FRMPD2: variants seen among roughly 807,000 people sequenced by gnomAD.
FRMPD2 encodes the protein FERM and PDZ domain containing 2, also known as FERM and PDZ domain-containing protein 2.
Under a neutral mutation model 140.1 loss-of-function variants are expected in FRMPD2, and 96 were observed. The ratio of observed to expected loss-of-function variants is 0.69; its 90% CI spans 0.58 to 0.81. The LOEUF is 0.81. Ranked by LOEUF, FRMPD2 falls within the 40% of genes least tolerant of loss-of-function variation. The pLI is 0.00. For missense variants in FRMPD2, 1,240 were observed against 1,447.4 expected, an observed-to-expected ratio of 0.86 and a Z score of 2.32; for synonymous variants, 449 against 547.6, an observed-to-expected ratio of 0.82 and a Z score of 2.52.
At chr10:48,212,136 G>A (rs1839340755) in intron 12 of FRMPD2, 27 bp from the exon 13 acceptor site, 1 of 1,610,734 alleles carries the variant, frequency 6.2e-7, no homozygotes, top group Non-Finnish European at 8.5e-7. Context: ...GAAGGGAAGG[G>A]CACAATCCAG....
intron 1 of FRMPD2, among the ~76,000 whole-genome samples, chr10:48,263,353 G>T (rs571258392): frequency 7.7e-4 from 116 of 151,330 alleles, no homozygotes; most frequent in African/African-American, 2.7e-3. Context: ...AAAAACAATA[G>T]AGAAAATCAA....
At chr10:48,243,797 GA>G (rs770291642) in intron 4 of FRMPD2, among the ~76,000 whole-genome samples, 112 of 152,282 alleles carry the variant, frequency 7.4e-4, no homozygotes, top group Middle Eastern at 6.8e-3. Flanking sequence ...TGAGTAGAAA[GA>G]AAGGCAGGAA....
chr10:48,225,770 C>T (rs570059573), intron 10 of FRMPD2, among the ~76,000 whole-genome samples: 10 of 152,216 alleles, frequency 6.6e-5, no homozygotes, highest in Non-Finnish European at 1.2e-4. Flanking sequence ...CCGCAGAACA[C>T]GTGCAGTGCC....
At chr10:48,188,245 C>T (rs926909034) in intron 16 of FRMPD2, among the ~76,000 whole-genome samples, 2 of 152,144 alleles carry the variant, frequency 1.3e-5, no homozygotes, top group African/African-American at 4.8e-5. Flanking sequence ...CCCATGGATC[C>T]ACCCCCTGTA....
intron 1 of FRMPD2, among the ~76,000 whole-genome samples, chr10:48,273,682 G>A (rs916660020): frequency 3.3e-5 from 5 of 151,952 alleles, no homozygotes; most frequent in East Asian, 1.9e-4. Flanking sequence ...TCTGCCCCCC[G>A]ACCCCCACTG....
chr10:48,241,447 C>T (rs1399654495), intron 5 of FRMPD2, among the ~76,000 whole-genome samples: 3 of 152,248 alleles, frequency 2.0e-5, no homozygotes, highest in African/African-American at 7.2e-5. Flanking sequence ...GGGACCAACT[C>T]CATGGTGCCA....
In FRMPD2 at chr10:48,223,163, G is replaced by C; in HGVS notation, c.1276C>G (p.Leu426Val). 6.2e-7 allele frequency: 1 copy of C among 1,614,076 alleles called. No individual in the cohort carries two copies. Residue 426 changes from leucine (L) to valine (V), a missense_variant, in exon 11 of 29, where the codon CTG becomes GTG. This residue lies in a region of FRMPD2 where 1,161 missense variants were observed against 1,055.9 expected (regional missense o/e 1.10). Transcript: ENST00000374201. Reference sequence around the variant, plus strand: ...TGGCTGACAAAGAACTTTATCCTCAGGAAGAGTGTGAAGGTATTCATGGAG... The same window carrying C: ...TGGCTGACAAAGAACTTTATCCTCACGAAGAGTGTGAAGGTATTCATGGAG... Reference protein sequence around the residue: ...KTSMNTFTLFLRIKFFVSHYG... With the variant: ...KTSMNTFTLFVRIKFFVSHYG...
chr10:48,205,178 C>A (rs938563313), intron 14 of FRMPD2, among the ~76,000 whole-genome samples: 1 of 152,224 alleles, frequency 6.6e-6, no homozygotes, highest in African/African-American at 2.4e-5. Context: ...GACATTACTT[C>A]ATCTGACGAC....
At chr10:48,177,906 C>T (rs556756458) in intron 22 of FRMPD2, 141 bp downstream of exon 22, 1 of 580,166 alleles carries the variant, frequency 1.7e-6, no homozygotes, top group Non-Finnish European at 3.2e-6. Context: ...CCAGTGCAGG[C>T]CCCCACTGGC....
chr10:48,216,286 T>TTATGGATA lies in FRMPD2; in HGVS notation c.1456-4178_1456-4177insTATCCATA, dbSNP rs1554795963. On this transcript the variant is annotated intron_variant, in intron 12 of 28. Coordinates refer to ENST00000374201, the MANE Select transcript of FRMPD2 (RefSeq NM_001018071.4). ...CATAGGCAGATGATAGATACATAGA[T>TTATGGATA]GATGGATAGATAGATAGATAGATAG... Among the ~76,000 whole-genome samples, 43 of 116,050 alleles carry TTATGGATA rather than the reference T, an allele frequency of 3.7e-4. No homozygotes were observed. The East Asian group carries it at 7.3e-3, about 20-fold the overall frequency. 76.1% of individuals were successfully genotyped at this position (116,050 alleles called of 152,430 possible).
chr10:48,167,709 G>T (rs1466591937), intron 27 of FRMPD2, among the ~76,000 whole-genome samples: 2 of 151,698 alleles, frequency 1.3e-5, no homozygotes, highest in Non-Finnish European at 2.9e-5. Context: ...AACTTGGCTA[G>T]GCCATGGTAC....
At chr10:48,266,220 T>A (rs921170045) in intron 1 of FRMPD2, among the ~76,000 whole-genome samples, 3 of 152,106 alleles carry the variant, frequency 2.0e-5, no homozygotes, top group African/African-American at 7.2e-5. Flanking sequence ...TACTTGAGGA[T>A]GAAGACTGAG....
chr10:48,219,179 T>C (rs2131896974), intron 12 of FRMPD2, among the ~76,000 whole-genome samples: 1 of 152,216 alleles, frequency 6.6e-6, no homozygotes, highest in South Asian at 2.1e-4. Context: ...AAAGGTCCTT[T>C]TGAAGATTTC....
chr10:48,194,273 G>T (rs556424956), intron 15 of FRMPD2, among the ~76,000 whole-genome samples: 3 of 152,244 alleles, frequency 2.0e-5, no homozygotes, highest in African/African-American at 4.8e-5. Flanking sequence ...TTAATTATTT[G>T]CTCATGGTCC....
At chr10:48,217,374 A>G (rs1482065497) in intron 12 of FRMPD2, among the ~76,000 whole-genome samples, 2 of 152,192 alleles carry the variant, frequency 1.3e-5, no homozygotes, top group Non-Finnish European at 2.9e-5. Flanking sequence ...GTGAACAAAA[A>G]CCCAGCAGGG....
intron 9 of FRMPD2, among the ~76,000 whole-genome samples, 194 bp downstream of exon 9, chr10:48,236,288 G>A (rs113389902): frequency 0.014 from 2,139 of 152,232 alleles, 42 homozygotes; most frequent in African/African-American, 0.048. Context: ...TGGAAGTCAC[G>A]TGGGGCCCCT....
Position 48,232,280 on chromosome 10 carries a change from CT to C in FRMPD2, c.1002del (p.Lys336AsnfsTer14). 1 of 1,608,522 alleles carries C rather than the reference CT, an allele frequency of 6.2e-7. No homozygotes were observed. The highest frequency in any genetic ancestry group is 2.2e-5 in the East Asian group (1 of 44,800). On this transcript the variant is annotated frameshift_variant, in exon 10 of 29. Coordinates refer to ENST00000374201, the MANE Select transcript of FRMPD2 (RefSeq NM_001018071.4). LOFTEE classifies it high-confidence loss of function. ...LHLPGSVVTK[K>X]GKSYLALRDL... is the part of the protein sequence containing the mutation. ...TCCCTGAGAGCCAAATAGGATTTCC[CT>C]TTTTTGGTCTGAAAACAACAACAGT...
chr10:48,237,576 G>A (rs973136031), intron 8 of FRMPD2, among the ~76,000 whole-genome samples: 1 of 152,132 alleles, frequency 6.6e-6, no homozygotes, highest in African/African-American at 2.4e-5. Context: ...CCAGCTGGAA[G>A]GATAACTCTC....
chr10:48,239,869 G>A (rs1840062173), intron 6 of FRMPD2, among the ~76,000 whole-genome samples, 177 bp from the exon 7 acceptor site: 1 of 152,154 alleles, frequency 6.6e-6, no homozygotes, highest in South Asian at 2.1e-4. Context: ...AGTTACAGAG[G>A]GTTGGAGGGA....
Sources: gnomAD v4.1 joint callset for allele counts (sites outside exome capture counted in the v4.1 genomes callset) on GRCh38, gnomAD v4.1.1 for gene constraint, gnomAD v4.1.1 regional missense constraint, MANE v1.5 for transcripts, NCBI Gene and HGNC (gene_info 2026-07-23, HGNC 2026-07-21) for gene names.